The following MAPK8 variants were observed in gnomAD, a reference collection of about 807,000 sequenced individuals.
MAPK8 encodes the protein mitogen-activated protein kinase 8.
A neutral mutation model predicts 52.9 loss-of-function variants in MAPK8; 13 were observed. That is an observed-to-expected ratio of 0.25 (90% confidence interval 0.16 to 0.39). MAPK8 has a LOEUF of 0.39. Among genes scored for constraint, MAPK8 ranks in the 10% least tolerant of loss-of-function variants. MAPK8 has a pLI of 1.00. For missense variants in MAPK8, 300 were observed against 519.2 expected, an observed-to-expected ratio of 0.58 and a Z score of 4.10; for synonymous variants, 191 against 169.8, an observed-to-expected ratio of 1.12 and a Z score of -0.97.
intron 1 of MAPK8, among the ~76,000 whole-genome samples, chr10:48,390,531 G>A (rs1478098670): frequency 2.0e-5 from 3 of 152,194 alleles, no homozygotes; most frequent in African/African-American, 7.2e-5. Flanking sequence ...ATTTTCCAGG[G>A]TCTCTAAAGT....
chr10:48,428,599 A>G (rs79483725), intron 10 of MAPK8, among the ~76,000 whole-genome samples: 3,457 of 152,338 alleles, frequency 0.023, 142 homozygotes, highest in African/African-American at 0.079. Flanking sequence ...TGGGAAACCC[A>G]TGGTTAGCAG....
rs2043527558 is a variant in MAPK8 at position 48,424,114 on chromosome 10, A to G, written c.643A>G (p.Met215Val). 3.7e-6 allele frequency: 6 copies of G among 1,613,476 alleles called. No individual in the cohort carries two copies. The highest frequency in any genetic ancestry group is 5.1e-6 in the Non-Finnish European group (6 of 1,179,562). ...GGATTTATGGTCTGTGGGGTGCATT[A>G]TGGGAGAAATGGTTTGCCACAAAAT... ...NVDLWSVGCI[M>V]GEMVCHKILF... Residue 215 changes from methionine (M) to valine (V), a missense_variant, in exon 7 of 12, where the codon ATG becomes GTG. By Grantham distance (21) the Met-to-Val change is conservative (BLOSUM62 1). Coordinates refer to ENST00000374189, the MANE Select transcript of MAPK8 (RefSeq NM_001323329.2).
At chr10:48,415,516 T>C (rs1335473097) in intron 5 of MAPK8, among the ~76,000 whole-genome samples, 1 of 152,230 alleles carries the variant, frequency 6.6e-6, no homozygotes, top group Non-Finnish European at 1.5e-5. Flanking sequence ...GGTCAGATTT[T>C]GGCAGCACAC....
chr10:48,340,145 G>T (rs1845108191), intron 1 of MAPK8, among the ~76,000 whole-genome samples: 1 of 152,180 alleles, frequency 6.6e-6, no homozygotes, highest in African/African-American at 2.4e-5. Context: ...CAGAGGCACA[G>T]AATCAAGTGT....
chr10:48,436,486 A>T lies in MAPK8; in HGVS notation c.*1457A>T, dbSNP rs1339506801. 6.6e-6 allele frequency: 1 copy of T among 152,182 alleles called. No individual in the cohort carries two copies. The highest frequency in any genetic ancestry group is 1.5e-5 in the Non-Finnish European group (1 of 68,024). 9.4% of individuals were successfully genotyped at this position (152,182 alleles called of 1,614,324 possible). ...CAGGCACCTTTTAAATTATCTCTGG[A>T]ACAAGAGGGATTTCATGTAATGAAC... On this transcript the variant is annotated 3_prime_UTR_variant, in exon 12 of 12. Coordinates refer to ENST00000374189, the MANE Select transcript of MAPK8 (RefSeq NM_001323329.2).
intron 1 of MAPK8, among the ~76,000 whole-genome samples, chr10:48,347,020 C>T (rs1443210092): frequency 6.6e-6 from 1 of 152,194 alleles, no homozygotes; most frequent in Non-Finnish European, 1.5e-5. Context: ...GGTCTCCGCG[C>T]ATTGGTGGTA....
At position 48,431,268 on chromosome 10, in the gene MAPK8, T is replaced by C; in HGVS notation, c.1136T>C (p.Leu379Ser). Residue 379 changes from leucine to serine, a missense_variant and splice_region_variant, in exon 11 of 12, where the codon TTA becomes TCA. Physicochemically the swap from Leu to Ser is moderately radical, Grantham distance 145. This residue lies in a region of MAPK8 where 119 missense variants were observed against 154.4 expected (regional missense o/e 0.77). Coordinates refer to ENST00000374189, the MANE Select transcript of MAPK8 (RefSeq NM_001323329.2). Reference protein sequence around the residue: ...NGVIRGQPSPLGAAVINGSQH... With the variant: ...NGVIRGQPSPSGAAVINGSQH... ...GTTATACGGGGGCAGCCCTCTCCTT[T>C]AGGTTGGTTACAATATAAGCTTGGT... 2 of 1,607,986 alleles carry C rather than the reference T, an allele frequency of 1.2e-6. No individual in the cohort carries two copies. The highest frequency in any genetic ancestry group is 1.7e-6 in the Non-Finnish European group (2 of 1,174,910).
At chr10:48,350,161 G>A (rs1047165648) in intron 1 of MAPK8, among the ~76,000 whole-genome samples, 3 of 152,136 alleles carry the variant, frequency 2.0e-5, no homozygotes, top group East Asian at 1.9e-4. Flanking sequence ...AGGACCAGAC[G>A]GATTCACAGC....
At chr10:48,391,524 T>C (rs1322467945) in intron 1 of MAPK8, among the ~76,000 whole-genome samples, 1 of 152,184 alleles carries the variant, frequency 6.6e-6, no homozygotes, top group Non-Finnish European at 1.5e-5. Flanking sequence ...TCTTGGTGAA[T>C]GTGGAAAAAC....
chr10:48,314,546 G>T (rs1012973853), intron 1 of MAPK8, among the ~76,000 whole-genome samples: 2 of 152,182 alleles, frequency 1.3e-5, no homozygotes, highest in Non-Finnish European at 2.9e-5. Context: ...AAATGCATAG[G>T]ATAAATTTCC....
chr10:48,356,331 G>A (rs1206381412), intron 1 of MAPK8, among the ~76,000 whole-genome samples: 1 of 152,112 alleles, frequency 6.6e-6, no homozygotes. Flanking sequence ...TGTCATAATA[G>A]CAGATAGAAG....
intron 1 of MAPK8, among the ~76,000 whole-genome samples, chr10:48,331,953 C>G (rs544947670): frequency 1.3e-5 from 2 of 152,220 alleles, no homozygotes; most frequent in South Asian, 2.1e-4. Flanking sequence ...GAGTTTGATT[C>G]ATTCTTTCTA....
At chr10:48,394,912 T>C (rs1235546235) in intron 1 of MAPK8, among the ~76,000 whole-genome samples, 2 of 152,044 alleles carry the variant, frequency 1.3e-5, no homozygotes, top group Non-Finnish European at 2.9e-5. Flanking sequence ...ATTGGAAATT[T>C]AAATACAAAC....
Position 48,356,534 on chromosome 10 carries a change from A to T in MAPK8, c.-49-45078A>T, listed in dbSNP as rs181353745. ...AAGCCCCAATTAGTTTGAGTGGCCT[A>T]CTGAATTTTTAAAATCCAACTATGT... On this transcript the variant is annotated intron_variant, in intron 1 of 11. Coordinates refer to ENST00000374189, the MANE Select transcript of MAPK8 (RefSeq NM_001323329.2). Among the ~76,000 whole-genome samples, 364 of 152,228 alleles carry T rather than the reference A, an allele frequency of 2.4e-3. 1 individual carries two copies. Among genetic ancestry groups the T allele is most frequent in the African/African-American group, 8.5e-3 (352 of 41,550 alleles).
chr10:48,400,023 C>T (rs1282940877), intron 1 of MAPK8, among the ~76,000 whole-genome samples: 1 of 152,246 alleles, frequency 6.6e-6, no homozygotes, highest in Non-Finnish European at 1.5e-5. Context: ...CTCTTCCACT[C>T]TTCCCACTTC....
intron 1 of MAPK8, among the ~76,000 whole-genome samples, chr10:48,326,700 A>G (rs923328347): frequency 3.3e-5 from 5 of 152,200 alleles, no homozygotes; most frequent in African/African-American, 1.2e-4. Context: ...ATTTGTAACC[A>G]TCTGTATCTA....
chr10:48,427,173 C>T (rs2043736021), intron 10 of MAPK8, 30 bp downstream of exon 10: 2 of 1,552,474 alleles, frequency 1.3e-6, no homozygotes, highest in Non-Finnish European at 1.8e-6. Flanking sequence ...AGAGGGAAAA[C>T]TGTGAAGGAG....
At chr10:48,427,017 T>A (rs2043726007) in intron 9 of MAPK8, 63 bp from the exon 10 acceptor site, 1 of 1,213,842 alleles carries the variant, frequency 8.2e-7, no homozygotes, top group Non-Finnish European at 1.2e-6. Flanking sequence ...ATATTTCAAA[T>A]AACTACAGAG....
chr10:48,394,638 G>A (rs1443573465), intron 1 of MAPK8, among the ~76,000 whole-genome samples: 6 of 151,880 alleles, frequency 4.0e-5, no homozygotes, highest in African/African-American at 1.2e-4. Flanking sequence ...TATATATCAT[G>A]CTTAGTGATG....
Sources: allele counts gnomAD v4.1 joint callset (sites outside exome capture counted in the v4.1 genomes callset), GRCh38; gene constraint gnomAD v4.1.1; regional missense constraint gnomAD v4.1.1; transcripts MANE v1.5; gene names NCBI Gene and HGNC (gene_info 2026-07-23, HGNC 2026-07-21).